Variants in RYR2 observed in about 807,000 individuals in gnomAD.
The protein encoded by RYR2 is cardiac muscle ryanodine receptor-calcium release channel.
Under a neutral mutation model 601.1 loss-of-function variants are expected in RYR2, and 227 were observed. The ratio of observed to expected loss-of-function variants is 0.38; its 90% CI spans 0.34 to 0.42. The LOEUF is 0.42. Among genes scored for constraint, RYR2 ranks in the 10% least tolerant of loss-of-function variants. RYR2 has a pLI of 1.00. For missense variants in RYR2, 4,646 were observed against 6,156.5 expected, an observed-to-expected ratio of 0.75 and a Z score of 8.21; for synonymous variants, 2,223 against 2,175.1, an observed-to-expected ratio of 1.02 and a Z score of -0.61.
intron 84 of RYR2, among the ~76,000 whole-genome samples, chr1:237,763,679 C>T (rs1219901716): frequency 1.3e-5 from 2 of 152,046 alleles, no homozygotes; most frequent in Non-Finnish European, 2.9e-5. Flanking sequence ...ACAAGGCTTC[C>T]AAGATTAAAT....
At chr1:237,280,223 AT>A (rs1196854734) in intron 2 of RYR2, among the ~76,000 whole-genome samples, 1 of 152,232 alleles carries the variant, frequency 6.6e-6, no homozygotes, top group Non-Finnish European at 1.5e-5. Context: ...AATAATAAAA[AT>A]GTCGGTATAA....
intron 49 of RYR2, 79 bp from the exon 50 acceptor site, chr1:237,649,798 G>A (rs982522864): frequency 1.7e-6 from 2 of 1,177,362 alleles, no homozygotes; most frequent in African/African-American, 1.5e-5. Context: ...TAGTGAAATT[G>A]TATGTCCCCA....
intron 1 of RYR2, among the ~76,000 whole-genome samples, chr1:237,240,310 T>C (rs652792): frequency 0.91 from 138,202 of 152,126 alleles, 64,063 homozygotes; most frequent in East Asian, 1. Context: ...CACTGAATAT[T>C]CCATAATCCC....
chr1:237,232,102 T>C (rs914253527), intron 1 of RYR2, among the ~76,000 whole-genome samples: 3 of 152,194 alleles, frequency 2.0e-5, no homozygotes, highest in Admixed American at 2.0e-4. Context: ...TCAATCTCTT[T>C]TTCTGGTACA....
intron 82 of RYR2, among the ~76,000 whole-genome samples, chr1:237,758,109 T>G (rs1468617410): frequency 3.3e-5 from 5 of 152,196 alleles, no homozygotes; most frequent in Admixed American, 2.0e-4. Context: ...GGTAACCAGC[T>G]CGTTCTGTTC....
Position 237,492,414 on chromosome 1 carries a change from A to G in RYR2, c.1827+490A>G, listed in dbSNP as rs191860684. ...GGAACATGAACAGTTCTCAATTTAT[A>G]TATGAAGAAAAGTTGGAAAATTAGT... On this transcript the variant is annotated intron_variant, in intron 18 of 104. Transcript: ENST00000366574. Among the ~76,000 whole-genome samples, 9 of 152,350 alleles carry G rather than the reference A, an allele frequency of 5.9e-5. No homozygotes were observed. The East Asian group carries it at 1.7e-3, about 29-fold the overall frequency.
chr1:237,752,374 T>C (rs1371816926), intron 80 of RYR2, among the ~76,000 whole-genome samples: 2 of 151,784 alleles, frequency 1.3e-5, no homozygotes, highest in East Asian at 1.9e-4. Flanking sequence ...GGTCTAGAGC[T>C]CCTGGGCTCA....
At chr1:237,283,037 A>G (rs1431253896) in intron 2 of RYR2, among the ~76,000 whole-genome samples, 1 of 152,136 alleles carries the variant, frequency 6.6e-6, no homozygotes, top group Non-Finnish European at 1.5e-5. Flanking sequence ...ACAACCCTGG[A>G]GGTATAAACC....
intron 63 of RYR2, among the ~76,000 whole-genome samples, chr1:237,690,951 A>C (rs1462499450): frequency 6.6e-6 from 1 of 152,206 alleles, no homozygotes; most frequent in East Asian, 1.9e-4. Context: ...TTTTCCAAAC[A>C]GAGAGACCCA....
chr1:237,503,580 A>G (rs1664889161), intron 22 of RYR2, 75 bp downstream of exon 22: 6 of 1,448,328 alleles, frequency 4.1e-6, no homozygotes, highest in Non-Finnish European at 5.8e-6. Context: ...CACTTGGACC[A>G]CAACCCATAG....
Position 237,831,500 on chromosome 1 carries a change from C to G in RYR2, c.14757-14C>G. 6.9e-7 allele frequency: 1 copy of G among 1,453,294 alleles called. No homozygotes were observed. Among genetic ancestry groups the G allele is most frequent in the African/African-American group, 1.4e-5 (1 of 71,740 alleles). The allele number at this position is 1,453,294 out of a possible 1,614,324, so 90.0% of individuals were successfully genotyped here. A position where few individuals can be genotyped will look rare whatever the true frequency, so the allele number is the denominator to read the frequency against. Reference sequence around the variant, plus strand: ...CATACCGTTCATTTCTGATCAGTTTCTCTGTATCTGTAGGTTTTTTCTGAT... The same window carrying G: ...CATACCGTTCATTTCTGATCAGTTTGTCTGTATCTGTAGGTTTTTTCTGAT... On this transcript the variant is annotated splice_polypyrimidine_tract_variant and intron_variant, in intron 103 of 104. Transcript: ENST00000366574.
intron 7 of RYR2, among the ~76,000 whole-genome samples, chr1:237,376,614 C>A (rs1166105560): frequency 1.3e-5 from 2 of 152,054 alleles, no homozygotes; most frequent in Non-Finnish European, 2.9e-5. Context: ...CATGCTGAAG[C>A]TTCTATGTTA....
chr1:237,515,730 T>G (rs1572680005), intron 24 of RYR2, among the ~76,000 whole-genome samples: 5 of 52,892 alleles, frequency 9.5e-5, no homozygotes, highest in African/African-American at 2.7e-4. Context: ...TTCCTCCTTC[T>G]TTCTCCTTCC....
At chr1:237,487,606 C>T (rs2150392886) in intron 17 of RYR2, among the ~76,000 whole-genome samples, 1 of 150,328 alleles carries the variant, frequency 6.7e-6, no homozygotes, top group South Asian at 2.1e-4. Context: ...ACCTATAGTC[C>T]CAGCCACTCA....
intron 80 of RYR2, among the ~76,000 whole-genome samples, chr1:237,752,739 A>C (rs1461822363): frequency 6.6e-6 from 1 of 152,142 alleles, no homozygotes; most frequent in Non-Finnish European, 1.5e-5. Context: ...ATCCAATTAA[A>C]TCTTCTATTT....
chr1:237,073,169 T>C (rs1395118318), intron 1 of RYR2, among the ~76,000 whole-genome samples: 1 of 152,202 alleles, frequency 6.6e-6, no homozygotes, highest in Non-Finnish European at 1.5e-5. Context: ...CTGGAGTCTT[T>C]AGTTGATTGA....
intron 54 of RYR2, among the ~76,000 whole-genome samples, chr1:237,658,798 C>T (rs1683490001): frequency 6.6e-6 from 1 of 152,190 alleles, no homozygotes; most frequent in Non-Finnish European, 1.5e-5. Context: ...GTATTTCTTA[C>T]TACCAACTAG....
At chr1:237,562,082 T>A (rs1671515721) in intron 27 of RYR2, among the ~76,000 whole-genome samples, 1 of 152,222 alleles carries the variant, frequency 6.6e-6, no homozygotes, top group Admixed American at 6.5e-5. Context: ...ATCAGAATTA[T>A]AATTTATTTT....
chr1:237,347,924 G>C (rs1037236130), intron 3 of RYR2, among the ~76,000 whole-genome samples: 1 of 152,268 alleles, frequency 6.6e-6, no homozygotes, highest in Non-Finnish European at 1.5e-5. Context: ...AGCAGTAAGA[G>C]AAGTGCACTG....
Sources: gnomAD v4.1 joint callset for allele counts (sites outside exome capture counted in the v4.1 genomes callset) on GRCh38, gnomAD v4.1.1 for gene constraint, MANE v1.5 for transcripts, NCBI Gene and HGNC (gene_info 2026-07-23, HGNC 2026-07-21) for gene names.